Variants in CDH12 observed in about 807,000 individuals in gnomAD.
CDH12 encodes the protein cadherin-12.
In CDH12, 41 loss-of-function variants were observed where a neutral mutation model predicts 74.1. The ratio of observed to expected loss-of-function variants is 0.55; its 90% CI spans 0.43 to 0.72. The LOEUF (loss-of-function observed/expected upper bound fraction) is 0.72. Among genes scored for constraint, CDH12 ranks in the 30% least tolerant of loss-of-function variants. The pLI, the probability that CDH12 is intolerant of heterozygous loss-of-function variation, is 0.00. For synonymous variants in CDH12, 399 were observed against 355.0 expected, an observed-to-expected ratio of 1.12 and a Z score of -1.39; for missense variants, 945 against 977.2, an observed-to-expected ratio of 0.97 and a Z score of 0.44.
At chr5:22,646,868 G>A (rs779071718) in intron 1 of CDH12, among the ~76,000 whole-genome samples, 1 of 151,906 alleles carries the variant, frequency 6.6e-6, no homozygotes, top group Middle Eastern at 3.4e-3. Context: ...GTTAGTTTAT[G>A]TTCTTAATCA....
At chr5:22,286,944 C>T (rs1415010246) in intron 3 of CDH12, among the ~76,000 whole-genome samples, 3 of 152,142 alleles carry the variant, frequency 2.0e-5, no homozygotes, top group Non-Finnish European at 4.4e-5. Flanking sequence ...CTATATGCAT[C>T]TTTAGACATT....
intron 1 of CDH12, among the ~76,000 whole-genome samples, chr5:22,672,511 G>C (rs1298702680): frequency 2.0e-5 from 3 of 152,062 alleles, no homozygotes; most frequent in Non-Finnish European, 4.4e-5. Context: ...AATCCAACTT[G>C]ATGTTCTCTT....
chr5:22,301,874 G>T (rs916544714), intron 3 of CDH12, among the ~76,000 whole-genome samples: 11 of 150,966 alleles, frequency 7.3e-5, no homozygotes, highest in Non-Finnish European at 1.2e-4. Context: ...TCACCATGTT[G>T]CCCAGGCTGC....
At chr5:22,025,820 G>A (rs989263591) in intron 5 of CDH12, among the ~76,000 whole-genome samples, 1 of 152,096 alleles carries the variant, frequency 6.6e-6, no homozygotes, top group Non-Finnish European at 1.5e-5. Flanking sequence ...CACCAGCAAT[G>A]TTTCCATCTT....
At position 22,349,122 on chromosome 5, in the gene CDH12, G is replaced by A. The variant is rs189317491; in HGVS notation, c.-333+56135C>T. 2.4e-3 allele frequency among the ~76,000 whole-genome samples: 358 copies of A among 152,244 alleles called. 2 individuals are homozygous for A. The highest frequency in any genetic ancestry group is 8.4e-3 in the African/African-American group (350 of 41,532). On this transcript the variant is annotated intron_variant, in intron 3 of 14. Coordinates refer to ENST00000382254, the MANE Select transcript of CDH12 (RefSeq NM_004061.5). ...GGTCACCATGTGCAGGCACAGAGAAGGCATCACCTATAAGAAAATGAGGCC... is the reference window on the plus strand; with the variant it reads ...GGTCACCATGTGCAGGCACAGAGAAAGCATCACCTATAAGAAAATGAGGCC...
chr5:22,235,904 T>G (rs145268689), intron 3 of CDH12, among the ~76,000 whole-genome samples: 1 of 152,210 alleles, frequency 6.6e-6, no homozygotes, highest in Non-Finnish European at 1.5e-5. Flanking sequence ...ACTACACACC[T>G]GGGCTATATG....
chr5:22,790,842 T>G (rs1000226960), intron 1 of CDH12, among the ~76,000 whole-genome samples: 2 of 152,152 alleles, frequency 1.3e-5, no homozygotes, highest in African/African-American at 4.8e-5. Context: ...AAGGGAGTCA[T>G]AGACTCATGG....
intron 1 of CDH12, among the ~76,000 whole-genome samples, chr5:22,670,764 C>G (rs1156248538): frequency 6.6e-6 from 1 of 151,884 alleles, no homozygotes; most frequent in African/African-American, 2.4e-5. Context: ...TTTGCACTTT[C>G]CTCAGTAACG....
At chr5:21,937,280 A>G (rs1289332676) in intron 6 of CDH12, among the ~76,000 whole-genome samples, 3 of 152,160 alleles carry the variant, frequency 2.0e-5, no homozygotes, top group Non-Finnish European at 2.9e-5. Flanking sequence ...AGGAATTGGG[A>G]AAGTGTTTTA....
At chr5:22,153,234 C>T (rs1228481410) in intron 4 of CDH12, among the ~76,000 whole-genome samples, 4 of 149,162 alleles carry the variant, frequency 2.7e-5, no homozygotes, top group Non-Finnish European at 4.4e-5. Flanking sequence ...GTGGCTGCAC[C>T]AATCTATATT....
intron 3 of CDH12, among the ~76,000 whole-genome samples, chr5:22,226,272 G>T (rs1752192802): frequency 6.6e-6 from 1 of 151,904 alleles, no homozygotes; most frequent in African/African-American, 2.4e-5. Flanking sequence ...AGGAATTTTT[G>T]CAGATGTAAT....
At chr5:22,716,084 C>G (rs546789687) in intron 1 of CDH12, among the ~76,000 whole-genome samples, 73 of 152,166 alleles carry the variant, frequency 4.8e-4, no homozygotes, top group African/African-American at 1.7e-3. Context: ...TTGCAGTGAG[C>G]GGAGATTGTG....
At chr5:21,802,121 G>C (rs1170609767) in intron 10 of CDH12, 46 bp downstream of exon 10, 3 of 1,562,900 alleles carry the variant, frequency 1.9e-6, no homozygotes, top group Non-Finnish European at 2.6e-6. Flanking sequence ...TTCTTGTTTT[G>C]TTTTGTTTTC....
intron 5 of CDH12, among the ~76,000 whole-genome samples, chr5:21,983,256 A>G (rs1388931699): frequency 6.6e-6 from 1 of 152,042 alleles, no homozygotes; most frequent in Non-Finnish European, 1.5e-5. Flanking sequence ...ATATTTCCAG[A>G]TTGGAAATCA....
chr5:22,251,851 A>G (rs1438879043), intron 3 of CDH12, among the ~76,000 whole-genome samples: 1 of 152,002 alleles, frequency 6.6e-6, no homozygotes, highest in Non-Finnish European at 1.5e-5. Context: ...AACATTGTCC[A>G]AGTAGCAGAA....
intron 1 of CDH12, among the ~76,000 whole-genome samples, chr5:22,768,226 G>T (rs1197552626): frequency 6.6e-6 from 1 of 151,974 alleles, no homozygotes; most frequent in African/African-American, 2.4e-5. Flanking sequence ...TCACATTAGG[G>T]AAGGAAAAAA....
At chr5:22,394,682 C>G (rs985841807) in intron 3 of CDH12, among the ~76,000 whole-genome samples, 2 of 152,092 alleles carry the variant, frequency 1.3e-5, no homozygotes, top group Non-Finnish European at 2.9e-5. Flanking sequence ...TTTACAATTT[C>G]TGCCTTTTGG....
intron 9 of CDH12, among the ~76,000 whole-genome samples, chr5:21,803,427 T>C (rs964506429): frequency 4.6e-5 from 7 of 152,150 alleles, no homozygotes; most frequent in South Asian, 2.1e-4. Context: ...TGGCTTTATA[T>C]ATTAATATAT....
intron 1 of CDH12, among the ~76,000 whole-genome samples, chr5:22,561,808 C>T (rs375706596): frequency 1.6e-4 from 25 of 152,264 alleles, no homozygotes; most frequent in Admixed American, 3.3e-4. Flanking sequence ...AGAATTACTA[C>T]TGTGTTAGCT....
Sources: gnomAD v4.1 joint callset for allele counts (sites outside exome capture counted in the v4.1 genomes callset) on GRCh38, gnomAD v4.1.1 for gene constraint, MANE v1.5 for transcripts, NCBI Gene and HGNC (gene_info 2026-07-23, HGNC 2026-07-21) for gene names.